Variants in SLC5A12 observed in about 807,000 individuals in gnomAD.
SLC5A12 encodes sodium-coupled monocarboxylate transporter 2.
SLC5A12 carries 46 observed loss-of-function variants against 72.7 expected under a neutral mutation model. The ratio of observed to expected loss-of-function variants is 0.63; its 90% CI spans 0.50 to 0.81. The LOEUF (loss-of-function observed/expected upper bound fraction) is 0.81, where lower values mean the gene tolerates loss of function less well. Among genes scored for constraint, SLC5A12 ranks in the 30% least tolerant of loss-of-function variants. The pLI is 0.00. For synonymous variants in SLC5A12, 275 were observed against 264.4 expected, an observed-to-expected ratio of 1.04 and a Z score of -0.39; for missense variants, 683 against 740.7, an observed-to-expected ratio of 0.92 and a Z score of 0.90.
At chr11:26,705,653 C>G (rs1382520609) in intron 4 of SLC5A12, among the ~76,000 whole-genome samples, 1 of 151,932 alleles carries the variant, frequency 6.6e-6, no homozygotes, top group Non-Finnish European at 1.5e-5. Flanking sequence ...TACCTGTTAC[C>G]TCCTAGGTAG....
chr11:26,693,475 C>T (rs1433657289), intron 8 of SLC5A12, among the ~76,000 whole-genome samples: 7 of 152,184 alleles, frequency 4.6e-5, no homozygotes, highest in African/African-American at 1.7e-4. Flanking sequence ...AGAGCTCAAT[C>T]TTATTGGACC....
intron 8 of SLC5A12, among the ~76,000 whole-genome samples, chr11:26,693,136 T>C (rs1854723745): frequency 6.6e-6 from 1 of 152,218 alleles, no homozygotes; most frequent in Non-Finnish European, 1.5e-5. Context: ...TACCTGCTTA[T>C]AGTTGTGAAG....
chr11:26,716,482 T>C (rs184596050), intron 1 of SLC5A12: 1 of 152,344 alleles, frequency 6.6e-6, no homozygotes, highest in Non-Finnish European at 1.5e-5. Flanking sequence ...GCTATTCCTA[T>C]TGTCAAAAGT....
At chr11:26,679,848 A>G (rs1590709345) in intron 12 of SLC5A12, among the ~76,000 whole-genome samples, 1 of 152,260 alleles carries the variant, frequency 6.6e-6, no homozygotes, top group Non-Finnish European at 1.5e-5. Context: ...ATGTGGTAGT[A>G]ATGAGTTCAG....
intron 3 of SLC5A12, 45 bp from the exon 4 acceptor site, chr11:26,709,424 A>T (rs755104825): frequency 7.0e-7 from 1 of 1,437,168 alleles, no homozygotes; most frequent in East Asian, 2.4e-5. Context: ...CCTTCAAAAA[A>T]TTAAAAGAGC....
intron 4 of SLC5A12, among the ~76,000 whole-genome samples, chr11:26,708,157 G>GT (rs1198762592): frequency 6.6e-6 from 1 of 151,912 alleles, no homozygotes; most frequent in East Asian, 1.9e-4. Context: ...TTGTTACTTT[G>GT]TTTTTGGGGG....
intron 6 of SLC5A12, among the ~76,000 whole-genome samples, chr11:26,700,265 T>C (rs1470244417): frequency 6.6e-6 from 1 of 152,182 alleles, no homozygotes; most frequent in Non-Finnish European, 1.5e-5. Context: ...CCAGTGGAAA[T>C]AGAATATTAA....
chr11:26,695,182 T>C (rs749440750), intron 8 of SLC5A12, among the ~76,000 whole-genome samples: 15 of 152,076 alleles, frequency 9.9e-5, no homozygotes, highest in Non-Finnish European at 2.1e-4. Flanking sequence ...TATTTTAAAG[T>C]ACAGTCATCA....
chr11:26,689,534 A>G (rs558368609), intron 9 of SLC5A12, among the ~76,000 whole-genome samples: 31 of 152,308 alleles, frequency 2.0e-4, no homozygotes, highest in Non-Finnish European at 3.7e-4. Flanking sequence ...AAGAATGACT[A>G]GAGAAGGCAT....
At chr11:26,677,527 T>A (rs1016199829) in intron 13 of SLC5A12, among the ~76,000 whole-genome samples, 3 of 152,128 alleles carry the variant, frequency 2.0e-5, no homozygotes, top group Non-Finnish European at 2.9e-5. Context: ...CCCACTAGCA[T>A]CAAGGAAGGA....
chr11:26,671,058 T>TGTGTGTGG lies in SLC5A12; in HGVS notation c.*43_*44insCCACACAC. 1 of 1,552,814 alleles carries TGTGTGTGG rather than the reference T, an allele frequency of 6.4e-7. No homozygotes were observed. Among genetic ancestry groups the TGTGTGTGG allele is most frequent in the Non-Finnish European group, 8.8e-7 (1 of 1,138,594 alleles). ...GAAGTATGTGGAGTTTGTGTGTGTG[T>TGTGTGTGG]GTGTGTATTGCACGTGTGTGTGTGC... is the stretch of plus-strand genomic sequence containing the variant. On this transcript the variant is annotated 3_prime_UTR_variant, in exon 15 of 15. Coordinates refer to ENST00000396005, the MANE Select transcript of SLC5A12 (RefSeq NM_178498.4).
At chr11:26,689,680 T>A (rs934862815) in intron 9 of SLC5A12, among the ~76,000 whole-genome samples, 3 of 152,128 alleles carry the variant, frequency 2.0e-5, no homozygotes, top group Non-Finnish European at 4.4e-5. Flanking sequence ...TTTTTACATT[T>A]AAAAAAACTT....
intron 9 of SLC5A12, among the ~76,000 whole-genome samples, chr11:26,687,558 A>G (rs770696606): frequency 9.8e-5 from 15 of 152,354 alleles, no homozygotes; most frequent in Non-Finnish European, 1.9e-4. Context: ...CATTCTAGGA[A>G]GAAACTGCTT....
Position 26,683,758 on chromosome 11 carries a change from T to C in SLC5A12, c.1307A>G (p.Lys436Arg), listed in dbSNP as rs1385919663. Reference sequence around the variant, plus strand: ...TGAAGAGGGCTGTGGGATCCTTACCTTCCAATTCACAAAAGGGAACACGAT... The same window carrying C: ...TGAAGAGGGCTGTGGGATCCTTACCCTCCAATTCACAAAAGGGAACACGAT... ...LGIVFPFVNW[K>R]GALGGLLTGI... The change falls in exon 11 of 15, where the codon AAG (lysine) becomes AGG (arginine). Residue 436 changes from lysine to arginine, a missense_variant and splice_region_variant. Lys to Arg is a conservative substitution (Grantham distance 26, BLOSUM62 2). Transcript: ENST00000396005. 1 of 1,583,282 alleles carries C rather than the reference T, an allele frequency of 6.3e-7. No homozygotes were observed. Among genetic ancestry groups the C allele is most frequent in the Non-Finnish European group, 8.6e-7 (1 of 1,163,846 alleles).
chr11:26,678,553 G>A (rs1590708187), intron 13 of SLC5A12, among the ~76,000 whole-genome samples, 159 bp downstream of exon 13: 1 of 152,000 alleles, frequency 6.6e-6, no homozygotes, highest in African/African-American at 2.4e-5. Context: ...ATAATGAAGG[G>A]TGCCTTTGTA....
intron 9 of SLC5A12, among the ~76,000 whole-genome samples, chr11:26,688,102 A>T (rs553074865): frequency 6.6e-6 from 1 of 152,314 alleles, no homozygotes; most frequent in African/African-American, 2.4e-5. Context: ...GAATTGATTC[A>T]GTCCTCCCCA....
intron 14 of SLC5A12, among the ~76,000 whole-genome samples, chr11:26,672,673 C>T (rs1164770892): frequency 6.6e-6 from 1 of 152,138 alleles, no homozygotes; most frequent in Non-Finnish European, 1.5e-5. Flanking sequence ...CACCTTGCTG[C>T]ATCAAGTCAG....
intron 8 of SLC5A12, 67 bp from the exon 9 acceptor site, chr11:26,692,668 T>C: frequency 2.8e-6 from 3 of 1,071,894 alleles, no homozygotes; most frequent in Non-Finnish European, 4.3e-6. Context: ...CCTGCCCTCT[T>C]GTCCAGGGCA....
chr11:26,721,577 C>T lies in SLC5A12; in HGVS notation c.138G>A (p.Arg46=). 1 of 1,614,140 alleles carries T rather than the reference C, an allele frequency of 6.2e-7. No individual in the cohort carries two copies. The highest frequency in any genetic ancestry group is 1.1e-5 in the South Asian group (1 of 91,078). The change falls in exon 1 of 15, where the codon AGG becomes AGA. Residue 46 remains arginine (R), a synonymous_variant. Transcript: ENST00000396005. ...ATSREFLVGG[R]QMSFGPVGLS... Reference sequence around the variant, plus strand: ...AGCCGACAGGGCCAAAGCTCATTTGCCTTCCCCCAACCAGGAACTCTCGGG... The same window carrying T: ...AGCCGACAGGGCCAAAGCTCATTTGTCTTCCCCCAACCAGGAACTCTCGGG...
Sources: allele counts gnomAD v4.1 joint callset (sites outside exome capture counted in the v4.1 genomes callset), GRCh38; gene constraint gnomAD v4.1.1; transcripts MANE v1.5; gene names NCBI Gene and HGNC (gene_info 2026-07-23, HGNC 2026-07-21).